FLNC: variants seen among roughly 807,000 people sequenced by gnomAD.
FLNC encodes the protein filamin C, also known as filamin-C.
In FLNC, 91 loss-of-function variants were observed where a neutral mutation model predicts 254.3. The ratio of observed to expected loss-of-function variants is 0.36; its 90% CI spans 0.30 to 0.43. The LOEUF (loss-of-function observed/expected upper bound fraction) is 0.43. Ranked by LOEUF, FLNC falls within the 20% of genes least tolerant of loss-of-function variation. FLNC has a pLI of 1.00. For missense variants in FLNC, 2,853 were observed against 3,802.6 expected, an observed-to-expected ratio of 0.75 and a Z score of 6.57; for synonymous variants, 1,430 against 1,577.2, an observed-to-expected ratio of 0.91 and a Z score of 2.21.
chr7:128,841,109 C>T lies in FLNC; in HGVS notation c.1814-61C>T. On this transcript the variant is annotated intron_variant, in intron 11 of 47. Coordinates refer to ENST00000325888, the MANE Select transcript of FLNC (RefSeq NM_001458.5). The surrounding 1 kb of genome is among the most constrained non-coding windows in gnomAD (Gnocchi z 4.3). ...GGACATGAGGGCAGCTAGAGGGGAG[C>T]TGGGGGACGGAAGGGTCTTGCCTGA... 1.3e-6 allele frequency: 2 copies of T among 1,594,262 alleles called. No individual in the cohort carries two copies. Among genetic ancestry groups the T allele is most frequent in the Non-Finnish European group, 1.7e-6 (2 of 1,166,408 alleles).
intron 2 of FLNC, 100 bp from the exon 3 acceptor site, chr7:128,837,060 G>C (rs1381178213): frequency 5.0e-5 from 42 of 837,020 alleles, no homozygotes; most frequent in Non-Finnish European, 7.2e-5. Context: ...GTGGGAAGGG[G>C]TGTAAAGCCA....
intron 22 of FLNC, 32 bp downstream of exon 22, chr7:128,846,195 G>T: frequency 6.2e-7 from 1 of 1,613,736 alleles, no homozygotes; most frequent in South Asian, 1.1e-5. Flanking sequence ...TAGTGGGCAG[G>T]GCTGGGCAAG....
chr7:128,834,380 A>C (rs1404950109), intron 1 of FLNC, among the ~76,000 whole-genome samples: 1 of 131,880 alleles, frequency 7.6e-6, no homozygotes, highest in Admixed American at 8.6e-5. Context: ...TGATGGGTGG[A>C]GTGTGTCAGC....
Position 128,840,463 on chromosome 7 carries a change from C to T in FLNC, c.1550-85C>T, listed in dbSNP as rs1354518425. 8 of 1,596,790 alleles carry T rather than the reference C, an allele frequency of 5.0e-6. No homozygotes were observed. The African/African-American group carries it at 6.7e-5, about 13-fold the overall frequency. On this transcript the variant is annotated intron_variant, in intron 9 of 47. Coordinates refer to ENST00000325888, the MANE Select transcript of FLNC (RefSeq NM_001458.5). Reference sequence around the variant, plus strand: ...ACTGCCCTCGGGCTGGGTCGGGGTCCCAATGGCTCCTTGAGGGGATTGAGG... The same window carrying T: ...ACTGCCCTCGGGCTGGGTCGGGGTCTCAATGGCTCCTTGAGGGGATTGAGG...
rs1046483354 is a variant in FLNC at position 128,836,356 on chromosome 7, G to A, written c.601+782G>A. On this transcript the variant is annotated intron_variant, in intron 2 of 47. Transcript: ENST00000325888. The surrounding 1 kb of genome is among the most constrained non-coding windows in gnomAD (Gnocchi z 6.0). Reference sequence around the variant, plus strand: ...GGGAGGCGGGGGCACAGCCTCCTGGGAAGCATTCCCAGCTGCTGAGCCATG... The same window carrying A: ...GGGAGGCGGGGGCACAGCCTCCTGGAAAGCATTCCCAGCTGCTGAGCCATG... Among the ~76,000 whole-genome samples, 2 of 152,194 alleles carry A rather than the reference G, an allele frequency of 1.3e-5. No individual in the cohort carries two copies. Among genetic ancestry groups the A allele is most frequent in the Non-Finnish European group, 2.9e-5 (2 of 68,020 alleles).
intron 21 of FLNC, among the ~76,000 whole-genome samples, chr7:128,845,476 G>C (rs999552494): frequency 6.6e-6 from 1 of 152,188 alleles, no homozygotes; most frequent in African/African-American, 2.4e-5. Context: ...TGGCAAAACT[G>C]CACCTGCCTC....
chr7:128,844,259 C>T lies in FLNC; in HGVS notation c.3185C>T (p.Pro1062Leu). ...GTGGAGGGTGTCCTGCCCCCTGATC[C>T]CTCCAAGGTGAGGAGATAGGAGCTG... The part of the protein sequence containing the change: ...FAVEGVLPPD[P>L]SKVCAYGPGL... Residue 1062 changes from proline (P) to leucine (L), a missense_variant, in exon 20 of 48, where the codon CCC becomes CTC. Transcript: ENST00000325888. The T allele has an allele frequency of 1.2e-6, 2 of 1,605,366 alleles. No homozygotes were observed. Among genetic ancestry groups the T allele is most frequent in the Non-Finnish European group, 1.7e-6 (2 of 1,174,732 alleles).
intron 1 of FLNC, among the ~76,000 whole-genome samples, 171 bp downstream of exon 1, chr7:128,831,160 G>A (rs1018930650): frequency 1.3e-5 from 2 of 151,436 alleles, no homozygotes; most frequent in Non-Finnish European, 3.0e-5. Context: ...CAAGGGCCAT[G>A]GGCACTGCCT....
chr7:128,854,950 G>C, intron 42 of FLNC, 38 bp downstream of exon 42: 1 of 1,610,700 alleles, frequency 6.2e-7, no homozygotes, highest in South Asian at 1.1e-5. Flanking sequence ...GGGCCTGCCT[G>C]ACCTTCCAGA....
Position 128,853,259 on chromosome 7 carries a change from T to C in FLNC, c.6209-210T>C, listed in dbSNP as rs1808901525. On this transcript the variant is annotated intron_variant, in intron 37 of 47. Transcript: ENST00000325888. ...CTGTCCTGAGTTTCTGTCCCTCCCT[T>C]GCTCACTGGAATCCAAGAGGCTTAC... 5.6e-6 allele frequency: 4 copies of C among 711,254 alleles called. No homozygotes were observed. The Admixed American group carries it at 8.9e-5, about 16-fold the overall frequency. The allele number at this position is 711,254 out of a possible 1,614,324, so 44.1% of individuals were successfully genotyped here. A position where few individuals can be genotyped will look rare whatever the true frequency, so the allele number is the denominator to read the frequency against.
Position 128,842,354 on chromosome 7 carries a change from G to A in FLNC, c.2245G>A (p.Val749Met), listed in dbSNP as rs763901270. 10 of 1,613,388 alleles carry A rather than the reference G, an allele frequency of 6.2e-6. No homozygotes were observed. The highest frequency in any genetic ancestry group is 1.6e-4 in the Middle Eastern group (1 of 6,084). The change falls in exon 14 of 48, where the codon GTG (valine) becomes ATG (methionine). Residue 749 changes from valine to methionine, a missense_variant. By Grantham distance (21) the Val-to-Met change is conservative. Transcript: ENST00000325888. The surrounding 1 kb of genome is among the most constrained non-coding windows in gnomAD (Gnocchi z 5.4). ...CATCATCTCCTGGGGAGGCGTAAACGTGCCCAAGAGCCCCTTCCGGGTGCG... is the reference window on the plus strand; with the variant it reads ...CATCATCTCCTGGGGAGGCGTAAACATGCCCAAGAGCCCCTTCCGGGTGCG... Reference protein sequence around the residue: ...TIIISWGGVNVPKSPFRVNVG... With the variant: ...TIIISWGGVNMPKSPFRVNVG...
rs1025515609 is a variant in FLNC at position 128,843,126 on chromosome 7, C to T, written c.2551-103C>T. The T allele has an allele frequency of 5.1e-6, 7 of 1,380,506 alleles. No homozygotes were observed. In the African/African-American group the frequency reaches 5.8e-5, roughly 11 times the overall value. The allele number at this position is 1,380,506 out of a possible 1,614,324, so 85.5% of individuals were successfully genotyped here. ...AAAGGGGGCCCTTTTGGAGGCTGCC[C>T]CTGTCCATGCTGGGTCCCCTGGGTG... On this transcript the variant is annotated intron_variant, in intron 16 of 47. Coordinates refer to ENST00000325888, the MANE Select transcript of FLNC (RefSeq NM_001458.5).
chr7:128,844,405 C>A, intron 20 of FLNC, 139 bp downstream of exon 20: 1 of 1,101,454 alleles, frequency 9.1e-7, no homozygotes, highest in Non-Finnish European at 1.3e-6. Context: ...GCCAGCCCCA[C>A]CCCACCACCT....
chr7:128,859,154 A>G lies in FLNC; in HGVS notation c.*631A>G, dbSNP rs1047150024. On this transcript the variant is annotated 3_prime_UTR_variant, in exon 48 of 48. Transcript: ENST00000325888. The stretch of plus-strand genomic sequence containing the variant: ...TAAAATGGTTGCACGGCTCTGCCCC[A>G]TGGGGGGCCTTTTTTACACACTGCG... The G allele has an allele frequency of 1.9e-5, 3 of 154,286 alleles. No homozygotes were observed. The highest frequency in any genetic ancestry group is 7.2e-5 in the African/African-American group (3 of 41,528). The allele number at this position is 154,286 out of a possible 1,614,324, so 9.6% of individuals were successfully genotyped here.
chr7:128,838,773 C>T lies in FLNC; in HGVS notation c.1381C>T (p.Arg461Cys), dbSNP rs766999669. 2.0e-5 allele frequency: 32 copies of T among 1,612,844 alleles called. No homozygotes were observed. The highest frequency in any genetic ancestry group is 5.0e-5 in the Admixed American group (3 of 60,016). ...GGCCTTTGCGGGTGCCCCCATCACC[C>T]GCAGTCCCTTCCCTGTCCATGTGTC... is the stretch of plus-strand genomic sequence containing the variant. ...HVAFAGAPIT[R>C]SPFPVHVSEA... Residue 461 changes from arginine (R) to cysteine (C), a missense_variant, in exon 8 of 48, where the codon CGC (arginine) becomes TGC (cysteine). By Grantham distance (180) the Arg-to-Cys change is radical. Transcript: ENST00000325888.
Position 128,854,899 on chromosome 7 carries a change from C to T in FLNC, c.7122C>T (p.Val2374=), listed in dbSNP as rs374711133. 1.7e-5 allele frequency: 27 copies of T among 1,613,954 alleles called. No homozygotes were observed. Among genetic ancestry groups the T allele is most frequent in the Middle Eastern group, 1.6e-4 (1 of 6,084 alleles). The change falls in exon 42 of 48, where the codon GTC becomes GTT. Residue 2374 remains valine, a synonymous_variant. Coordinates refer to ENST00000325888, the MANE Select transcript of FLNC (RefSeq NM_001458.5). ...RKDGSCGVSY[V]VQEPGDYEVS... is the part of the protein sequence containing the mutation. ...ATGGCTCCTGCGGCGTCTCCTATGT[C>T]GTCCAGGAACCAGGTGGGCGTCCAC...
chr7:128,842,545 C>T lies in FLNC; in HGVS notation c.2266-30C>T. The stretch of plus-strand genomic sequence containing the variant: ...CAGGAGGATGAGCCTTGAGGGAGGG[C>T]ACCACGCTGAGCTGCGACCCCTCCC... On this transcript the variant is annotated intron_variant, in intron 14 of 47. Transcript: ENST00000325888. This position sits in a 1 kb window ranked among gnomAD's most constrained non-coding sequence, Gnocchi z 5.4. 1 of 1,548,220 alleles carries T rather than the reference C, an allele frequency of 6.5e-7. No homozygotes were observed. The highest frequency in any genetic ancestry group is 1.2e-5 in the South Asian group (1 of 84,248).
rs374847180 is a variant in FLNC, at chr7:128,838,701, C to G, written c.1309C>G (p.Arg437Gly). The G allele has an allele frequency of 6.2e-7, 1 of 1,613,028 alleles. No individual in the cohort carries two copies. The highest frequency in any genetic ancestry group is 1.3e-5 in the African/African-American group (1 of 75,028). ...ALEDKGDSTF[R>G]CTYRPAMEGP... ...GGAGGACAAGGGTGACAGCACGTTC[C>G]GCTGCACATACAGACCTGCCATGGA... Residue 437 changes from arginine (R) to glycine (G), a missense_variant, in exon 8 of 48, where the codon CGC becomes GGC. Arg to Gly is a moderately radical substitution (Grantham distance 125). Around this residue, in one of 10 missense-constraint regions of FLNC, gnomAD observed 1,573 missense variants for 1,883.5 expected, o/e 0.84. Coordinates refer to ENST00000325888, the MANE Select transcript of FLNC (RefSeq NM_001458.5).
chr7:128,834,509 T>A (rs924132121), intron 1 of FLNC, among the ~76,000 whole-genome samples: 2 of 139,432 alleles, frequency 1.4e-5, no homozygotes, highest in Non-Finnish European at 3.1e-5. Flanking sequence ...CCCCTTGGTT[T>A]CTAAAGCCCT....
Sources: allele counts gnomAD v4.1 joint callset (sites outside exome capture counted in the v4.1 genomes callset), GRCh38; gene constraint gnomAD v4.1.1; regional missense constraint gnomAD v4.1.1; non-coding constraint Gnocchi (gnomAD v3.1); transcripts MANE v1.5; gene names NCBI Gene and HGNC (gene_info 2026-07-23, HGNC 2026-07-21).